Variants in CNTN4 observed in about 807,000 individuals in gnomAD.
The protein encoded by CNTN4 is contactin 4.
A neutral mutation model predicts 122.5 loss-of-function variants in CNTN4; 77 were observed. The ratio of observed to expected loss-of-function variants is 0.63; its 90% CI spans 0.52 to 0.76. The LOEUF (loss-of-function observed/expected upper bound fraction) is 0.76, where lower values mean the gene tolerates loss of function less well. CNTN4 is among the 30% of genes least tolerant of loss of function. The pLI is 0.00. For synonymous variants in CNTN4, 512 were observed against 447.0 expected (o/e 1.15, Z -1.83); for missense variants, 1,256 against 1,259.1 (o/e 1.00, Z 0.04).
chr3:2,916,157 A>G (rs1008451069), intron 12 of CNTN4, among the ~76,000 whole-genome samples: 2 of 152,244 alleles, frequency 1.3e-5, no homozygotes, highest in East Asian at 3.8e-4. Context: ...AACATTGTCA[A>G]GATGGTAAAT....
intron 13 of CNTN4, among the ~76,000 whole-genome samples, chr3:2,944,566 A>G (rs962748661): frequency 6.6e-6 from 1 of 152,206 alleles, no homozygotes; most frequent in African/African-American, 2.4e-5. Flanking sequence ...AGACTCTATT[A>G]AACACCTACC....
intron 4 of CNTN4, among the ~76,000 whole-genome samples, chr3:2,592,190 G>A (rs531007018): frequency 2.0e-5 from 3 of 152,220 alleles, no homozygotes; most frequent in African/African-American, 7.2e-5. Flanking sequence ...CTTCATTAAA[G>A]GTTTTCAGCT....
chr3:2,146,587 A>C (rs1444775608), intron 2 of CNTN4, among the ~76,000 whole-genome samples: 1 of 152,174 alleles, frequency 6.6e-6, no homozygotes, highest in Non-Finnish European at 1.5e-5. Flanking sequence ...CCATTGTAAA[A>C]TAGATACTGG....
In CNTN4 at chr3:2,583,780, T is replaced by C. The variant is rs142782488; in HGVS notation, c.55+12222T>C. Among the ~76,000 whole-genome samples, 12 of 152,348 alleles carry C rather than the reference T, an allele frequency of 7.9e-5. No individual in the cohort carries two copies. The East Asian group carries it at 1.7e-3, about 22-fold the overall frequency. On this transcript the variant is annotated intron_variant, in intron 4 of 24. Transcript: ENST00000418658. ...ACCTATATTATTGGGTACTGATAGATGTTGGGTGTACCGAGATATCTGTGA... is the reference window on the plus strand; with the variant it reads ...ACCTATATTATTGGGTACTGATAGACGTTGGGTGTACCGAGATATCTGTGA...
chr3:2,667,580 A>ACTG (rs1336197986), intron 4 of CNTN4, among the ~76,000 whole-genome samples: 1 of 151,742 alleles, frequency 6.6e-6, no homozygotes, highest in Admixed American at 6.6e-5. Flanking sequence ...TGCTGTGCAG[A>ACTG]AGCTCTTTAG....
chr3:3,010,630 A>C (rs1324050142), intron 14 of CNTN4, among the ~76,000 whole-genome samples: 1 of 152,134 alleles, frequency 6.6e-6, no homozygotes, highest in Non-Finnish European at 1.5e-5. Context: ...GTTAATATTC[A>C]ATCCTTGTAA....
intron 2 of CNTN4, among the ~76,000 whole-genome samples, chr3:2,182,670 C>G (rs925168352): frequency 1.3e-5 from 2 of 152,064 alleles, no homozygotes; most frequent in East Asian, 3.9e-4. Context: ...GGCTATATGA[C>G]TCATTGTAAC....
At chr3:2,396,668 T>TA (rs2046652702) in intron 3 of CNTN4, among the ~76,000 whole-genome samples, 1 of 151,852 alleles carries the variant, frequency 6.6e-6, no homozygotes, top group African/African-American at 2.4e-5. Flanking sequence ...TTTTTTTTTT[T>TA]TTATTAACCT....
intron 3 of CNTN4, among the ~76,000 whole-genome samples, chr3:2,405,448 G>A (rs952564617): frequency 2.0e-5 from 3 of 152,148 alleles, no homozygotes; most frequent in Non-Finnish European, 4.4e-5. Context: ...AAAAGTAAGA[G>A]TGCATGTCAA....
chr3:2,321,213 A>G (rs915470162), intron 2 of CNTN4, among the ~76,000 whole-genome samples: 1 of 152,104 alleles, frequency 6.6e-6, no homozygotes. Context: ...CATTATCTCA[A>G]TTGTGAAATG....
At chr3:2,575,694 C>T (rs1436471269) in intron 4 of CNTN4, among the ~76,000 whole-genome samples, 2 of 152,014 alleles carry the variant, frequency 1.3e-5, no homozygotes, top group African/African-American at 4.8e-5. Flanking sequence ...ACAGTAAATA[C>T]ATTAAAATGG....
chr3:2,810,143 A>G (rs73805408), intron 6 of CNTN4, among the ~76,000 whole-genome samples: 319 of 152,284 alleles, frequency 2.1e-3, no homozygotes, highest in African/African-American at 7.4e-3. Context: ...TGGGTCGGGA[A>G]AATCCGGATT....
intron 8 of CNTN4, among the ~76,000 whole-genome samples, chr3:2,881,291 T>A (rs968729061): frequency 6.6e-6 from 1 of 152,090 alleles, no homozygotes; most frequent in African/African-American, 2.4e-5. Context: ...GGCAGACAGA[T>A]CACCTGAGGT....
chr3:3,008,374 A>G lies in CNTN4; in HGVS notation c.1487-17728A>G, dbSNP rs191727787. ...ACCTGGCATGGATCCGCCAAAGAAA[A>G]CAAACAAATCAGAGTTGGATTTTTT... is the stretch of plus-strand genomic sequence containing the variant. On this transcript the variant is annotated intron_variant, in intron 14 of 24. Coordinates refer to ENST00000418658, the MANE Select transcript of CNTN4 (RefSeq NM_175607.3). 1.2e-3 allele frequency among the ~76,000 whole-genome samples: 189 copies of G among 152,340 alleles called. No individual in the cohort carries two copies. The South Asian group carries it at 0.012, about 10-fold the overall frequency.
At chr3:2,889,785 T>G (rs911170043) in intron 10 of CNTN4, among the ~76,000 whole-genome samples, 5 of 152,178 alleles carry the variant, frequency 3.3e-5, no homozygotes, top group Admixed American at 1.3e-4. Flanking sequence ...TATGTTAAAC[T>G]GGTATGAAAT....
intron 2 of CNTN4, among the ~76,000 whole-genome samples, chr3:2,184,772 A>T (rs1447558164): frequency 6.6e-6 from 1 of 152,118 alleles, no homozygotes; most frequent in Non-Finnish European, 1.5e-5. Flanking sequence ...CCTTCACTAG[A>T]CACTGAACCT....
intron 3 of CNTN4, among the ~76,000 whole-genome samples, chr3:2,470,459 A>ACTTACT (rs1034220505): frequency 5.1e-4 from 77 of 152,206 alleles, no homozygotes; most frequent in African/African-American, 1.8e-3. Context: ...AAATTGTACA[A>ACTTACT]CTTACTCTTT....
intron 2 of CNTN4, among the ~76,000 whole-genome samples, chr3:2,302,682 T>A (rs938015591): frequency 6.6e-6 from 1 of 152,240 alleles, no homozygotes. Context: ...TATTTTATCA[T>A]TGGAAATGCA....
At chr3:2,259,724 A>C (rs937964579) in intron 2 of CNTN4, among the ~76,000 whole-genome samples, 2 of 152,176 alleles carry the variant, frequency 1.3e-5, no homozygotes, top group African/African-American at 4.8e-5. Context: ...GTTTTCTCCC[A>C]CCAAGTCCCT....
Sources: allele counts gnomAD v4.1 joint callset (sites outside exome capture counted in the v4.1 genomes callset), GRCh38; gene constraint gnomAD v4.1.1; transcripts MANE v1.5; gene names NCBI Gene and HGNC (gene_info 2026-07-23, HGNC 2026-07-21).